The following SAMD5 variants were observed in gnomAD, a reference collection of about 807,000 sequenced individuals.
SAMD5 encodes the protein sterile alpha motif domain-containing protein 5.
Under a neutral mutation model 11.3 loss-of-function variants are expected in SAMD5, and 13 were observed. That is an observed-to-expected ratio of 1.15 (90% confidence interval 0.75 to 1.83). The LOEUF is 1.83. Ranked by LOEUF, SAMD5 falls within the 40% of genes most tolerant of loss-of-function variation. The pLI is 0.00. For missense variants in SAMD5, 255 were observed against 239.1 expected (o/e 1.07, Z -0.44); for synonymous variants, 129 against 111.3 (o/e 1.16, Z -1.00).
the SAMD5 span, among the ~76,000 whole-genome samples, chr6:147,935,641 T>A: frequency 6.6e-6 from 1 of 152,170 alleles, no homozygotes; most frequent in Non-Finnish European, 1.5e-5. Context: ...GTAAAACCAT[T>A]CTCCTTTTAT....
intron 1 of SAMD5, among the ~76,000 whole-genome samples, chr6:147,705,682 A>AT (rs1178160026): frequency 6.6e-6 from 1 of 152,212 alleles, no homozygotes; most frequent in Non-Finnish European, 1.5e-5. Context: ...AAAATTCACC[A>AT]TAACAACTGA....
At chr6:147,746,947 G>A in the SAMD5 span, among the ~76,000 whole-genome samples, 1 of 151,542 alleles carries the variant, frequency 6.6e-6, no homozygotes, top group Non-Finnish European at 1.5e-5. Context: ...AGGATTTCAG[G>A]CGTTTAAGTA....
the SAMD5 span, among the ~76,000 whole-genome samples, chr6:147,909,626 TTC>T: frequency 3.5e-4 from 21 of 59,252 alleles, no homozygotes; most frequent in African/African-American, 1.8e-3. Context: ...CTTTCTTTCT[TTC>T]TTTCTCTTTC....
chr6:147,722,641 T>C (rs1487906509), intron 1 of SAMD5, among the ~76,000 whole-genome samples: 1 of 152,228 alleles, frequency 6.6e-6, no homozygotes, highest in Non-Finnish European at 1.5e-5. Flanking sequence ...TTTTAGTTAT[T>C]GGCTAATAGG....
chr6:147,863,454 C>T, the SAMD5 span, among the ~76,000 whole-genome samples: 4 of 152,196 alleles, frequency 2.6e-5, no homozygotes, highest in African/African-American at 9.7e-5. Flanking sequence ...CTTCCTGCCT[C>T]TCATTATGAT....
At chr6:147,908,460 T>C in the SAMD5 span, among the ~76,000 whole-genome samples, 1 of 152,186 alleles carries the variant, frequency 6.6e-6, no homozygotes. Context: ...TTCTCTTCCA[T>C]TGGCAAGACT....
At chr6:147,856,972 T>C in the SAMD5 span, among the ~76,000 whole-genome samples, 1 of 151,838 alleles carries the variant, frequency 6.6e-6, no homozygotes, top group African/African-American at 2.4e-5. Context: ...AGTTCTGCTC[T>C]CACTTCTGCA....
At chr6:147,724,555 A>C (rs1365135326) in intron 1 of SAMD5, among the ~76,000 whole-genome samples, 1 of 152,168 alleles carries the variant, frequency 6.6e-6, no homozygotes, top group East Asian at 1.9e-4. Context: ...CTTTCTTGCC[A>C]ATATTAAAAA....
intron 1 of SAMD5, among the ~76,000 whole-genome samples, chr6:147,694,826 A>C (rs7741554): frequency 2.6e-5 from 4 of 152,194 alleles, no homozygotes; most frequent in South Asian, 4.1e-4. Flanking sequence ...AAAAAATCAC[A>C]TAGGATCAGA....
Position 147,564,526 on chromosome 6 carries a change from C to G in SAMD5, c.*70C>G, listed in dbSNP as rs963682811. ...GACTGGAAAAGGGCATATTTAGAAC[C>G]TTCTTTCAAAAAGGGAAATGGATGA... On this transcript the variant is annotated 3_prime_UTR_variant, in exon 2 of 2. Transcript: ENST00000367474. 2.1e-6 allele frequency: 2 copies of G among 938,898 alleles called. No individual in the cohort carries two copies. The highest frequency in any genetic ancestry group is 3.8e-5 in the Admixed American group (2 of 52,490). 58.2% of individuals were successfully genotyped at this position (938,898 alleles called of 1,614,324 possible).
In SAMD5 at chr6:147,575,512, T is replaced by C. The variant is rs1442261924; in HGVS notation, c.162+66125T>C. 2.6e-5 allele frequency among the ~76,000 whole-genome samples: 4 copies of C among 152,264 alleles called. No individual in the cohort carries two copies. In the East Asian group the frequency reaches 5.8e-4, roughly 22 times the overall value. On this transcript the variant is annotated intron_variant, in intron 1 of 1. Transcript: ENST00000566741. ...CTGTATCAATAGCTGCCAGTCAAAA[T>C]TGACTATAATTCTCCATCTCCTGTT...
At chr6:147,845,481 A>C in the SAMD5 span, among the ~76,000 whole-genome samples, 7 of 152,286 alleles carry the variant, frequency 4.6e-5, no homozygotes, top group South Asian at 1.5e-3. Context: ...AACTTTTATA[A>C]ATTTCTCATC....
intron 1 of SAMD5, among the ~76,000 whole-genome samples, chr6:147,652,796 G>A (rs1011321830): frequency 6.6e-6 from 1 of 152,156 alleles, no homozygotes; most frequent in Admixed American, 6.5e-5. Flanking sequence ...ATGTGTTGGT[G>A]AATCCTGTCA....
chr6:147,620,828 G>A (rs769991604), intron 1 of SAMD5, among the ~76,000 whole-genome samples: 2 of 152,108 alleles, frequency 1.3e-5, no homozygotes, highest in Non-Finnish European at 2.9e-5. Flanking sequence ...TCTTAAAGAG[G>A]GGGTCAATTT....
At chr6:147,724,298 A>T (rs1791596031) in intron 1 of SAMD5, among the ~76,000 whole-genome samples, 1 of 152,100 alleles carries the variant, frequency 6.6e-6, no homozygotes, top group Non-Finnish European at 1.5e-5. Flanking sequence ...TGGCTAGAAA[A>T]ATACTTTTTA....
At chr6:147,672,345 C>A (rs536533822) in intron 1 of SAMD5, among the ~76,000 whole-genome samples, 1 of 152,110 alleles carries the variant, frequency 6.6e-6, no homozygotes, top group African/African-American at 2.4e-5. Context: ...TCTTTAATTA[C>A]AAAATGTTAA....
intron 1 of SAMD5, among the ~76,000 whole-genome samples, chr6:147,582,667 A>G (rs1789316793): frequency 6.6e-6 from 1 of 152,178 alleles, no homozygotes; most frequent in Non-Finnish European, 1.5e-5. Flanking sequence ...TTTCCCCTTG[A>G]CTAAAGTGAA....
At chr6:147,642,911 G>T (rs1790335309) in intron 1 of SAMD5, among the ~76,000 whole-genome samples, 1 of 152,144 alleles carries the variant, frequency 6.6e-6, no homozygotes, top group Non-Finnish European at 1.5e-5. Context: ...GCTGCCATCT[G>T]CACTGTTGTC....
At chr6:147,738,803 A>G (rs531989424), downstream of SAMD5, among the ~76,000 whole-genome samples, 29 of 152,314 alleles carry the variant, frequency 1.9e-4, no homozygotes, top group African/African-American at 7.0e-4. Context: ...ACAGCTTCCA[A>G]GTTTTAAAGA....
Sources: allele counts gnomAD v4.1 joint callset (sites outside exome capture counted in the v4.1 genomes callset), GRCh38; gene constraint gnomAD v4.1.1; transcripts MANE v1.5; gene names NCBI Gene and HGNC (gene_info 2026-07-23, HGNC 2026-07-21).